ATG10: variants seen among roughly 807,000 people sequenced by gnomAD.
ATG10 encodes the protein autophagy related 10.
Under a neutral mutation model 32.1 loss-of-function variants are expected in ATG10, and 30 were observed. The observed-to-expected ratio is 0.94, with a 90% CI of 0.70 to 1.27. ATG10 has a LOEUF of 1.27. Ranked by LOEUF, ATG10 falls within the 50% of genes most tolerant of loss-of-function variation. The pLI is 0.00. For synonymous variants in ATG10, 87 were observed against 91.5 expected, an observed-to-expected ratio of 0.95 and a Z score of 0.28; for missense variants, 233 against 262.3, an observed-to-expected ratio of 0.89 and a Z score of 0.77.
chr5:82,241,939 ACTT>A (rs573746921), intron 5 of ATG10, among the ~76,000 whole-genome samples: 402 of 152,140 alleles, frequency 2.6e-3, no homozygotes, highest in Non-Finnish European at 3.4e-3. Context: ...GCATATATAA[ACTT>A]CTTTGGTGGG....
rs1363270242 is a variant in ATG10 at position 82,191,341 on chromosome 5, A to C, written c.453+12754A>C. On this transcript the variant is annotated intron_variant, in intron 5 of 7. Transcript: ENST00000282185. ...AAGCTGAACATTGTTTCTGCTGTCCAGAGTTGGTCTGTGGGAGTACCTGCC... is the reference window on the plus strand; with the variant it reads ...AAGCTGAACATTGTTTCTGCTGTCCCGAGTTGGTCTGTGGGAGTACCTGCC... Among the ~76,000 whole-genome samples the C allele has an allele frequency of 3.9e-5, 6 of 152,348 alleles. No homozygotes were observed. In the East Asian group the frequency reaches 9.6e-4, roughly 24 times the overall value.
rs564856686 is a variant in ATG10, at chr5:82,058,508, G to T, written c.122G>T (p.Gly41Val). 6.2e-7 allele frequency: 1 copy of T among 1,612,510 alleles called. No homozygotes were observed. The highest frequency in any genetic ancestry group is 1.3e-5 in the African/African-American group (1 of 74,952). The stretch of plus-strand genomic sequence containing the variant: ...GATGAAACACAGGACTGTTCTGATG[G>T]CTACATGTGCAAAATACACTTTCAA... ...EWRPSKDCSD[G>V]YMCKIHFQIK... Residue 41 changes from glycine (G) to valine (V), a missense_variant, in exon 3 of 8, where the codon GGC becomes GTC. Coordinates refer to ENST00000282185, the MANE Select transcript of ATG10 (RefSeq NM_031482.5).
chr5:82,203,418 G>A (rs77665978), intron 5 of ATG10, among the ~76,000 whole-genome samples: 7,516 of 152,122 alleles, frequency 0.049, 448 homozygotes, highest in African/African-American at 0.15. Context: ...TTTGAATTTT[G>A]GCTAGTCTTT....
rs376331749 is a variant in ATG10 at position 82,252,706 on chromosome 5, A to C, written c.551+47A>C. 2.7e-6 allele frequency: 3 copies of C among 1,130,822 alleles called. No homozygotes were observed. The African/African-American group carries it at 4.8e-5, about 18-fold the overall frequency. The allele number at this position is 1,130,822 out of a possible 1,614,324, so 70.0% of individuals were successfully genotyped here. A position where few individuals can be genotyped will look rare whatever the true frequency, so the allele number is the denominator to read the frequency against. ...CATTGGCTTCTACTCTGATTTTAAA[A>C]GTGTAAATCTTTTTATGTGACTCTA... On this transcript the variant is annotated intron_variant, in intron 6 of 7. Transcript: ENST00000282185.
At chr5:82,104,566 G>C (rs1262598011) in intron 3 of ATG10, among the ~76,000 whole-genome samples, 2 of 152,174 alleles carry the variant, frequency 1.3e-5, no homozygotes, top group Admixed American at 6.6e-5. Flanking sequence ...GGTAAATTAA[G>C]TAGTAATGTT....
chr5:82,068,876 T>G (rs556917317), intron 3 of ATG10, among the ~76,000 whole-genome samples: 2 of 150,702 alleles, frequency 1.3e-5, no homozygotes, highest in Non-Finnish European at 3.0e-5. Context: ...GAATCTAAAA[T>G]AAATGAAAGT....
rs1269707355 is a variant in ATG10 at position 81,977,927 on chromosome 5, TGTGCCTTTCA to T, written c.-13+5622_-13+5631del. On this transcript the variant is annotated intron_variant, in intron 1 of 7. Transcript: ENST00000282185. ...TGCAAGAAGAAAAATTTAAAGGGAA[TGTGCCTTTCA>T]TTACAAAAATGTCCAACCATTTCCT... Among the ~76,000 whole-genome samples the T allele has an allele frequency of 2.6e-5, 4 of 152,244 alleles. No individual in the cohort carries two copies. In the East Asian group the frequency reaches 7.7e-4, roughly 29 times the overall value.
At chr5:81,983,907 C>T (rs201293963) in intron 1 of ATG10, among the ~76,000 whole-genome samples, 17 of 150,726 alleles carry the variant, frequency 1.1e-4, no homozygotes, top group African/African-American at 2.7e-4. Flanking sequence ...AGACTATGGG[C>T]GGCCGGGCAG....
Position 82,179,201 on chromosome 5 carries a change from A to G in ATG10, c.453+614A>G, listed in dbSNP as rs187535591. On this transcript the variant is annotated intron_variant, in intron 5 of 7. Transcript: ENST00000282185. ...AGATGTATCACTTTTGCACCATGAT[A>G]AAGTCTAAAAATTGTTAAGCTGGAC... 9.4e-3 allele frequency among the ~76,000 whole-genome samples: 1,438 copies of G among 152,262 alleles called. 7 individuals are homozygous for G. Among genetic ancestry groups the G allele is most frequent in the Non-Finnish European group, 0.014 (981 of 68,012 alleles).
intron 3 of ATG10, among the ~76,000 whole-genome samples, chr5:82,123,524 TAA>T (rs371845829): frequency 1.4e-5 from 2 of 138,404 alleles, no homozygotes; most frequent in African/African-American, 2.7e-5. Flanking sequence ...AAAATAAAAG[TAA>T]AAAAAAAAAA....
At chr5:82,214,752 A>G (rs916874983) in intron 5 of ATG10, among the ~76,000 whole-genome samples, 2 of 152,144 alleles carry the variant, frequency 1.3e-5, no homozygotes, top group Non-Finnish European at 2.9e-5. Context: ...GGACTCTCTT[A>G]CGAGGTGGCA....
At chr5:82,139,520 T>G (rs1766949004) in intron 3 of ATG10, among the ~76,000 whole-genome samples, 1 of 143,878 alleles carries the variant, frequency 7.0e-6, no homozygotes, top group Non-Finnish European at 1.5e-5. Context: ...GAGGAGCGCC[T>G]CTGCCCGGCC....
chr5:82,008,999 C>T (rs551349978), intron 2 of ATG10, among the ~76,000 whole-genome samples: 4 of 152,130 alleles, frequency 2.6e-5, no homozygotes, highest in South Asian at 2.1e-4. Context: ...AAACCATAAT[C>T]GTATGAACCT....
intron 5 of ATG10, among the ~76,000 whole-genome samples, chr5:82,202,351 A>G (rs997022901): frequency 2.0e-5 from 3 of 152,214 alleles, no homozygotes; most frequent in Non-Finnish European, 4.4e-5. Context: ...TTAACAGAAA[A>G]AAAAACTGAC....
intron 5 of ATG10, among the ~76,000 whole-genome samples, chr5:82,229,166 C>A (rs1023082110): frequency 2.6e-5 from 4 of 152,090 alleles, no homozygotes; most frequent in African/African-American, 9.7e-5. Flanking sequence ...CTGAGTGGAC[C>A]CCTCTCCTGA....
chr5:82,192,054 A>G (rs928187844), intron 5 of ATG10, among the ~76,000 whole-genome samples: 1 of 152,204 alleles, frequency 6.6e-6, no homozygotes, highest in African/African-American at 2.4e-5. Flanking sequence ...GCATGTGGAA[A>G]CTGCTCTTGT....
At chr5:82,127,839 T>G (rs2149837135) in intron 3 of ATG10, among the ~76,000 whole-genome samples, 1 of 152,272 alleles carries the variant, frequency 6.6e-6, no homozygotes. Flanking sequence ...ATATCCTTGC[T>G]AATTTTCTGT....
intron 3 of ATG10, among the ~76,000 whole-genome samples, chr5:82,078,004 C>T (rs566822631): frequency 7.9e-5 from 12 of 152,168 alleles, no homozygotes; most frequent in East Asian, 3.9e-4. Flanking sequence ...TGGTTTTTAA[C>T]GATGGAAAAA....
intron 3 of ATG10, among the ~76,000 whole-genome samples, chr5:82,139,540 T>G (rs1406066923): frequency 6.9e-6 from 1 of 144,222 alleles, no homozygotes; most frequent in Non-Finnish European, 1.5e-5. Flanking sequence ...CGAGACCCCG[T>G]CTGGGAGGTG....
Sources: gnomAD v4.1 joint callset for allele counts (sites outside exome capture counted in the v4.1 genomes callset) on GRCh38, gnomAD v4.1.1 for gene constraint, MANE v1.5 for transcripts, NCBI Gene and HGNC (gene_info 2026-07-23, HGNC 2026-07-21) for gene names.